Variants in ANGPT1 observed in about 807,000 individuals in gnomAD.
The protein encoded by ANGPT1 is angiopoietin-1.
In ANGPT1, 17 loss-of-function variants were observed where a neutral mutation model predicts 62.2. That is an observed-to-expected ratio of 0.27 (90% confidence interval 0.19 to 0.41). The LOEUF is 0.41. Among genes scored for constraint, ANGPT1 ranks in the 10% least tolerant of loss-of-function variants. The probability of loss-of-function intolerance (pLI) is 1.00; values close to 1 mark genes in which losing one functional copy is unlikely to be tolerated. For missense variants in ANGPT1, 478 were observed against 594.9 expected (o/e 0.80, Z 2.04); for synonymous variants, 199 against 198.9 (o/e 1.00, Z 0.00).
intron 1 of ANGPT1, among the ~76,000 whole-genome samples, chr8:107,488,547 A>T (rs187402294): frequency 2.0e-5 from 3 of 152,310 alleles, no homozygotes; most frequent in African/African-American, 7.2e-5. Flanking sequence ...TCATCAGTTC[A>T]TTGATTCAAA....
chr8:107,478,968 T>A (rs553839256), intron 1 of ANGPT1, among the ~76,000 whole-genome samples: 1 of 152,286 alleles, frequency 6.6e-6, no homozygotes, highest in South Asian at 2.1e-4. Context: ...GGTGGGCATC[T>A]TCTCTTTTTA....
intron 8 of ANGPT1, among the ~76,000 whole-genome samples, chr8:107,257,899 G>T (rs2514871): frequency 0.37 from 31,074 of 83,852 alleles, 5,707 homozygotes; most frequent in Non-Finnish European, 0.44. Flanking sequence ...TTGTTTGTTT[G>T]TTTGTTTGTT....
chr8:107,478,895 C>A (rs1812603718), intron 1 of ANGPT1, among the ~76,000 whole-genome samples: 1 of 152,088 alleles, frequency 6.6e-6, no homozygotes, highest in Admixed American at 6.5e-5. Flanking sequence ...ATACTAAGTG[C>A]CCAAAATATT....
intron 1 of ANGPT1, among the ~76,000 whole-genome samples, chr8:107,426,937 T>G (rs1256469195): frequency 6.6e-6 from 1 of 152,238 alleles, no homozygotes; most frequent in Non-Finnish European, 1.5e-5. Flanking sequence ...CAGAGGATTT[T>G]TTTTAACTAG....
intron 2 of ANGPT1, among the ~76,000 whole-genome samples, chr8:107,344,314 C>G (rs534824235): frequency 2.0e-5 from 3 of 152,098 alleles, no homozygotes; most frequent in Admixed American, 6.5e-5. Context: ...CCTACAAACC[C>G]CTTCATATTG....
At chr8:107,403,381 A>G (rs1817084303) in intron 1 of ANGPT1, among the ~76,000 whole-genome samples, 1 of 152,148 alleles carries the variant, frequency 6.6e-6, no homozygotes, top group African/African-American at 2.4e-5. Flanking sequence ...AACGTGAATA[A>G]CTGTTATTCG....
chr8:107,449,188 C>T (rs1472259082), intron 1 of ANGPT1, among the ~76,000 whole-genome samples: 1 of 151,984 alleles, frequency 6.6e-6, no homozygotes, highest in Non-Finnish European at 1.5e-5. Context: ...TGTTAAAAAC[C>T]TGCATTGTTC....
intron 8 of ANGPT1, among the ~76,000 whole-genome samples, chr8:107,259,553 T>C (rs913329079): frequency 1.3e-5 from 2 of 152,148 alleles, no homozygotes; most frequent in African/African-American, 2.4e-5. Context: ...TCTACTTCAA[T>C]AGATTCTTTC....
chr8:107,327,254 C>T (rs1038817476), intron 3 of ANGPT1, among the ~76,000 whole-genome samples: 3 of 151,866 alleles, frequency 2.0e-5, no homozygotes, highest in Admixed American at 6.6e-5. Flanking sequence ...TTCATTTTGT[C>T]CCTGAAGCCT....
intron 4 of ANGPT1, among the ~76,000 whole-genome samples, chr8:107,311,233 G>C (rs549429875): frequency 1.4e-5 from 2 of 147,006 alleles, no homozygotes; most frequent in Non-Finnish European, 2.9e-5. Context: ...ATAAGAATTT[G>C]GGCACTGAAC....
chr8:107,481,012 C>A (rs1204834369), intron 1 of ANGPT1, among the ~76,000 whole-genome samples: 3 of 152,100 alleles, frequency 2.0e-5, no homozygotes. Flanking sequence ...ACCAAAGAAC[C>A]ATAACATCTG....
intron 3 of ANGPT1, among the ~76,000 whole-genome samples, chr8:107,333,021 C>T (rs1375825209): frequency 6.6e-6 from 1 of 152,164 alleles, no homozygotes; most frequent in Non-Finnish European, 1.5e-5. Flanking sequence ...GAGCACATTT[C>T]TTTGTTGCAA....
intron 7 of ANGPT1, among the ~76,000 whole-genome samples, chr8:107,265,004 A>G (rs1813580671): frequency 6.6e-6 from 1 of 152,210 alleles, no homozygotes; most frequent in Admixed American, 6.5e-5. Flanking sequence ...CACTTAAGAT[A>G]TATAAGAAAA....
chr8:107,449,075 T>C (rs906000230), intron 1 of ANGPT1, among the ~76,000 whole-genome samples: 5 of 152,076 alleles, frequency 3.3e-5, no homozygotes, highest in Admixed American at 2.0e-4. Flanking sequence ...TGATTTCCTT[T>C]AGCCATGTCT....
At chr8:107,459,974 TCCAAATGA>T (rs1240250730) in intron 1 of ANGPT1, among the ~76,000 whole-genome samples, 4 of 152,180 alleles carry the variant, frequency 2.6e-5, no homozygotes, top group African/African-American at 9.6e-5. Flanking sequence ...TTTCATGAAC[TCCAAATGA>T]TTGTTGGCAG....
chr8:107,418,355 A>G (rs1810808230), intron 1 of ANGPT1, among the ~76,000 whole-genome samples: 2 of 152,168 alleles, frequency 1.3e-5, no homozygotes, highest in African/African-American at 4.8e-5. Context: ...GACACCATCA[A>G]CAAAATCTGT....
chr8:107,275,145 C>T (rs1813831696), intron 7 of ANGPT1, among the ~76,000 whole-genome samples: 1 of 152,024 alleles, frequency 6.6e-6, no homozygotes, highest in Non-Finnish European at 1.5e-5. Flanking sequence ...TGTTGTTGCT[C>T]ATATTTACCA....
At chr8:107,388,510 G>A (rs1253310926) in intron 1 of ANGPT1, among the ~76,000 whole-genome samples, 1 of 152,060 alleles carries the variant, frequency 6.6e-6, no homozygotes, top group East Asian at 1.9e-4. Flanking sequence ...GTTCCATTTT[G>A]TAAACAGAAG....
intron 1 of ANGPT1, among the ~76,000 whole-genome samples, chr8:107,388,639 C>T (rs1237979925): frequency 6.6e-6 from 1 of 152,070 alleles, no homozygotes; most frequent in Non-Finnish European, 1.5e-5. Flanking sequence ...ATAGCATAGT[C>T]TCTAGAGTGG....
Sources: gnomAD v4.1 joint callset for allele counts (sites outside exome capture counted in the v4.1 genomes callset) on GRCh38, gnomAD v4.1.1 for gene constraint, MANE v1.5 for transcripts, NCBI Gene and HGNC (gene_info 2026-07-23, HGNC 2026-07-21) for gene names.